GAB2: variants seen among roughly 807,000 people sequenced by gnomAD.
The protein encoded by GAB2 is GRB2-associated-binding protein 2.
GAB2 carries 26 observed loss-of-function variants against 65.5 expected under a neutral mutation model. The ratio of observed to expected loss-of-function variants is 0.40; its 90% CI spans 0.29 to 0.55. The LOEUF (loss-of-function observed/expected upper bound fraction) is 0.55, where lower values mean the gene tolerates loss of function less well. Among genes scored for constraint, GAB2 ranks in the 20% least tolerant of loss-of-function variants. The probability of loss-of-function intolerance (pLI) is 0.53; values close to 1 mark genes in which losing one functional copy is unlikely to be tolerated. For missense variants in GAB2, 884 were observed against 875.8 expected, an observed-to-expected ratio of 1.01 and a Z score of -0.12; for synonymous variants, 321 against 329.6, an observed-to-expected ratio of 0.97 and a Z score of 0.28.
chr11:78,222,175 G>A lies in GAB2; in HGVS notation c.1588C>T (p.Leu530=). The part of the protein sequence containing the change: ...DRKAKPTPLD[L]RNNTVIDELP... The stretch of plus-strand genomic sequence containing the variant: ...TCATCGATGACGGTGTTGTTCCTCA[G>A]GTCAAGTGGTGTTGGCTTTGCTGGA... Residue 530 remains leucine, a synonymous_variant, in exon 7 of 10, where the codon CTG becomes TTG. Transcript: ENST00000361507. The A allele has an allele frequency of 6.2e-7, 1 of 1,613,734 alleles. No homozygotes were observed. Among genetic ancestry groups the A allele is most frequent in the Non-Finnish European group, 8.5e-7 (1 of 1,179,636 alleles).
rs964199951 is a variant in GAB2, at chr11:78,231,170, G to A, written c.621-4119C>T. Among the ~76,000 whole-genome samples the A allele has an allele frequency of 4.1e-4, 62 of 152,172 alleles. 1 individual carries two copies. The highest frequency in any genetic ancestry group is 3.8e-3 in the Admixed American group (58 of 15,290). On this transcript the variant is annotated intron_variant, in intron 3 of 9. Transcript: ENST00000361507. Reference sequence around the variant, plus strand: ...CAGGAAGATACTCAAACACAAGCACGTATGGGAGCTCCCCAGAATCAAAAA... The same window carrying A: ...CAGGAAGATACTCAAACACAAGCACATATGGGAGCTCCCCAGAATCAAAAA...
chr11:78,252,246 C>A (rs980520792), intron 2 of GAB2, among the ~76,000 whole-genome samples: 1 of 152,228 alleles, frequency 6.6e-6, no homozygotes, highest in African/African-American at 2.4e-5. Context: ...CAGTGTACAA[C>A]AGAAAAAGCT....
At chr11:78,277,274 T>C (rs2134578490) in intron 2 of GAB2, among the ~76,000 whole-genome samples, 1 of 152,350 alleles carries the variant, frequency 6.6e-6, no homozygotes, top group East Asian at 1.9e-4. Context: ...TACCTATTTC[T>C]TAAAAAGCTG....
intron 1 of GAB2, among the ~76,000 whole-genome samples, chr11:78,297,276 A>G (rs2134617892): frequency 6.6e-6 from 1 of 151,874 alleles, no homozygotes; most frequent in South Asian, 2.1e-4. Flanking sequence ...AAATATTATA[A>G]TAATATATTT....
At chr11:78,416,628 A>G (rs1857199709) in intron 1 of GAB2, among the ~76,000 whole-genome samples, 1 of 152,122 alleles carries the variant, frequency 6.6e-6, no homozygotes, top group Non-Finnish European at 1.5e-5. Context: ...ACGGAGAGGG[A>G]GCAGATGAGA....
chr11:78,264,113 AT>A (rs1019893891), intron 2 of GAB2, among the ~76,000 whole-genome samples: 12 of 152,136 alleles, frequency 7.9e-5, no homozygotes, highest in African/African-American at 2.9e-4. Flanking sequence ...GTTTTCATAT[AT>A]TATATAGTAC....
chr11:78,226,349 G>GACCT, intron 4 of GAB2, 116 bp downstream of exon 4: 1 of 802,860 alleles, frequency 1.2e-6, no homozygotes, highest in South Asian at 1.5e-5. Flanking sequence ...GAGTATCAGT[G>GACCT]ACCTAGGTGG....
At chr11:78,361,703 G>C (rs1856437212) in intron 1 of GAB2, among the ~76,000 whole-genome samples, 1 of 152,046 alleles carries the variant, frequency 6.6e-6, no homozygotes, top group Non-Finnish European at 1.5e-5. Context: ...CATTAGACTG[G>C]CAAACATACA....
chr11:78,278,709 C>G (rs1045271858), intron 2 of GAB2, among the ~76,000 whole-genome samples: 1 of 144,680 alleles, frequency 6.9e-6, no homozygotes, highest in African/African-American at 2.7e-5. Context: ...TCTTATTCCC[C>G]ACCCCCAACA....
intron 1 of GAB2, among the ~76,000 whole-genome samples, chr11:78,309,316 C>T (rs1205858588): frequency 6.6e-6 from 1 of 152,064 alleles, no homozygotes; most frequent in African/African-American, 2.4e-5. Flanking sequence ...GTTGTACAAC[C>T]ATCACCACTA....
intron 1 of GAB2, among the ~76,000 whole-genome samples, chr11:78,366,733 A>G (rs1355261282): frequency 6.7e-6 from 1 of 148,478 alleles, no homozygotes; most frequent in African/African-American, 2.4e-5. Flanking sequence ...TCCAAGCCCT[A>G]TCCCCAATTA....
intron 1 of GAB2, among the ~76,000 whole-genome samples, chr11:78,328,579 T>C (rs1337821112): frequency 6.6e-6 from 1 of 152,202 alleles, no homozygotes; most frequent in Non-Finnish European, 1.5e-5. Context: ...CAATGGAATA[T>C]TACTTAGCAA....
At chr11:78,381,446 A>G (rs1468174858) in intron 1 of GAB2, among the ~76,000 whole-genome samples, 2 of 152,218 alleles carry the variant, frequency 1.3e-5, no homozygotes, top group Non-Finnish European at 2.9e-5. Context: ...CACACAGCTT[A>G]TTTAACAGCT....
Position 78,224,645 on chromosome 11 carries a change from C to T in GAB2, c.1302+463G>A, listed in dbSNP as rs148770492. On this transcript the variant is annotated intron_variant, in intron 5 of 9. Coordinates refer to ENST00000361507, the MANE Select transcript of GAB2 (RefSeq NM_080491.3). ...GCCAGGCCCTGGTCTTCTTGCCTGA[C>T]ACCTTGGAGAACTGCGGTTAGCATC... Among the ~76,000 whole-genome samples, 9 of 152,348 alleles carry T rather than the reference C, an allele frequency of 5.9e-5. No homozygotes were observed. In the East Asian group the frequency reaches 1.3e-3, roughly 23 times the overall value.
At chr11:78,299,125 A>G (rs975447024) in intron 1 of GAB2, among the ~76,000 whole-genome samples, 1 of 152,160 alleles carries the variant, frequency 6.6e-6, no homozygotes, top group African/African-American at 2.4e-5. Context: ...TTGAGAAACA[A>G]TGCACTAAAT....
At chr11:78,390,759 T>A (rs529392491) in intron 1 of GAB2, among the ~76,000 whole-genome samples, 99 of 152,226 alleles carry the variant, frequency 6.5e-4, no homozygotes, top group Admixed American at 1.4e-3. Flanking sequence ...ACATCAGAAA[T>A]TAGACACTGA....
chr11:78,351,435 G>A (rs969456492), intron 1 of GAB2, among the ~76,000 whole-genome samples: 3 of 152,014 alleles, frequency 2.0e-5, no homozygotes, highest in Non-Finnish European at 4.4e-5. Flanking sequence ...GGTGGCCCTG[G>A]GTCTTTGTTT....
At chr11:78,268,162 T>C (rs1865916116) in intron 2 of GAB2, among the ~76,000 whole-genome samples, 1 of 152,182 alleles carries the variant, frequency 6.6e-6, no homozygotes, top group African/African-American at 2.4e-5. Flanking sequence ...TCCCTCTCAA[T>C]TGTTTCATAA....
intron 1 of GAB2, among the ~76,000 whole-genome samples, chr11:78,412,625 G>T (rs77657922): frequency 6.6e-6 from 1 of 152,118 alleles, no homozygotes; most frequent in East Asian, 1.9e-4. Context: ...CTATAATTTT[G>T]CAAGATGTTA....
Sources: allele counts gnomAD v4.1 joint callset (sites outside exome capture counted in the v4.1 genomes callset), GRCh38; gene constraint gnomAD v4.1.1; transcripts MANE v1.5; gene names NCBI Gene and HGNC (gene_info 2026-07-23, HGNC 2026-07-21).